PAK6: variants seen among roughly 807,000 people sequenced by gnomAD.
PAK6 encodes serine/threonine-protein kinase PAK 6.
Under a neutral mutation model 60.8 loss-of-function variants are expected in PAK6, and 33 were observed. The observed-to-expected ratio is 0.54, with a 90% confidence interval of 0.41 to 0.73. The LOEUF is 0.73. PAK6 is among the 30% of genes least tolerant of loss of function. The pLI is 0.00. For synonymous variants in PAK6, 404 were observed against 378.5 expected, an observed-to-expected ratio of 1.07 and a Z score of -0.78; for missense variants, 845 against 904.1, an observed-to-expected ratio of 0.93 and a Z score of 0.84.
intron 2 of PAK6, chr15:40,252,583 C>T (rs372019677): frequency 1.5e-5 from 20 of 1,357,002 alleles, no homozygotes; most frequent in South Asian, 3.4e-5. Context: ...GCTGCACCAA[C>T]GTGTAAGCGC....
Position 40,270,202 on chromosome 15 carries a change from C to T in PAK6, c.859-2022C>T, listed in dbSNP as rs553858058. On this transcript the variant is annotated intron_variant, in intron 5 of 10. Coordinates refer to ENST00000560346, the Ensembl canonical transcript of PAK6. ...TTCCCTCCCTGTCCCTGCCTGGTGA[C>T]GTCTCATGGAACCTCTGTTCCCAGG... 3.8e-4 allele frequency among the ~76,000 whole-genome samples: 58 copies of T among 152,280 alleles called. No individual in the cohort carries two copies. The South Asian group carries it at 7.3e-3, about 19-fold the overall frequency.
At chr15:40,248,112 G>A (rs749326206) in intron 2 of PAK6, among the ~76,000 whole-genome samples, 2 of 152,184 alleles carry the variant, frequency 1.3e-5, no homozygotes, top group African/African-American at 2.4e-5. Context: ...TAAGTCTTGC[G>A]AGGCAAGAGG....
At chr15:40,244,898 T>C (rs934860152) in intron 2 of PAK6, 3 of 152,220 alleles carry the variant, frequency 2.0e-5, no homozygotes, top group African/African-American at 7.2e-5. Context: ...ACACCTCTGC[T>C]GGCCAGCATT....
exon 5 of PAK6, chr15:40,266,459 A>AAGC: frequency 6.2e-7 from 1 of 1,611,154 alleles, no homozygotes; most frequent in Non-Finnish European, 8.5e-7. Context: ...CAGCCCCTCC[A>AAGC]AGCAGCAGCA....
chr15:40,274,643 C>G (rs1254474221), intron 10 of PAK6, among the ~76,000 whole-genome samples: 1 of 152,234 alleles, frequency 6.6e-6, no homozygotes, highest in Non-Finnish European at 1.5e-5. Flanking sequence ...GAGCACAAAC[C>G]CTTCTAACCC....
At position 40,249,718 on chromosome 15, in the gene PAK6, C is replaced by T. The variant is rs528286947; in HGVS notation, c.-117-3460C>T. Among the ~76,000 whole-genome samples the T allele has an allele frequency of 2.6e-5, 4 of 152,348 alleles. No homozygotes were observed. In the South Asian group the frequency reaches 8.3e-4, roughly 32 times the overall value. ...GCTGATCCCTATCTTTCCTCTTTGG[C>T]CCTAGCCCGAGCACTCAGCCCTGGC... is the stretch of plus-strand genomic sequence containing the variant. On this transcript the variant is annotated intron_variant, in intron 2 of 10. Transcript: ENST00000560346.
At chr15:40,261,442 C>T (rs1371591305) in intron 3 of PAK6, among the ~76,000 whole-genome samples, 1 of 151,926 alleles carries the variant, frequency 6.6e-6, no homozygotes, top group Non-Finnish European at 1.5e-5. Flanking sequence ...TAGGCTAAGG[C>T]AGGAGAATCA....
At chr15:40,263,036 C>T (rs950150510) in intron 3 of PAK6, among the ~76,000 whole-genome samples, 2 of 152,180 alleles carry the variant, frequency 1.3e-5, no homozygotes, top group Non-Finnish European at 2.9e-5. Context: ...GCATGGCTGA[C>T]ATTGAGATGT....
At chr15:40,266,780 C>T in intron 5 of PAK6, 1 of 370,702 alleles carries the variant, frequency 2.7e-6, no homozygotes, top group Non-Finnish European at 4.8e-6. Flanking sequence ...TTGCCTAGTC[C>T]AGGGGCAGCA....
At chr15:40,255,696 C>A (rs1214295472) in intron 3 of PAK6, among the ~76,000 whole-genome samples, 1 of 152,214 alleles carries the variant, frequency 6.6e-6, no homozygotes, top group African/African-American at 2.4e-5. Flanking sequence ...ACTCGGACCC[C>A]AGTAGAGGCT....
exon 4 of PAK6, chr15:40,264,914 C>T (rs2039079766): frequency 1.2e-6 from 2 of 1,613,908 alleles, no homozygotes; most frequent in South Asian, 1.1e-5. Context: ...GGCAGAACAT[C>T]CTGGACACAC....
intron 2 of PAK6, 49 bp downstream of exon 2, chr15:40,240,730 G>A (rs552571719): frequency 2.8e-5 from 12 of 430,980 alleles, no homozygotes; most frequent in East Asian, 7.1e-5. Context: ...GGCTAGGGAC[G>A]GGGGTGCCAA....
At chr15:40,267,171 C>T (rs2039164914) in intron 5 of PAK6, among the ~76,000 whole-genome samples, 2 of 151,978 alleles carry the variant, frequency 1.3e-5, no homozygotes, top group South Asian at 4.2e-4. Context: ...AAAGGCAGTC[C>T]TAAGAAACGG....
intron 10 of PAK6, 115 bp from the exon 11 acceptor site, chr15:40,275,812 A>C: frequency 1.0e-6 from 1 of 966,934 alleles, no homozygotes; most frequent in Non-Finnish European, 1.6e-6. Flanking sequence ...ACAAGGGAAC[A>C]GGAAGTTAAA....
At chr15:40,264,603 G>A in intron 3 of PAK6, 178 bp from the exon 4 acceptor site, 1 of 640,448 alleles carries the variant, frequency 1.6e-6, no homozygotes, top group East Asian at 2.7e-5. Flanking sequence ...TTCTGGGACT[G>A]TTCTGCTGGG....
At chr15:40,266,573 G>A in intron 5 of PAK6, 78 bp downstream of exon 5, 3 of 1,396,404 alleles carry the variant, frequency 2.1e-6, no homozygotes, top group South Asian at 2.9e-5. Flanking sequence ...CCTTCCCCTT[G>A]GAGGACTGGC....
At chr15:40,272,181 T>C (rs1267956733) in intron 5 of PAK6, 43 bp from the exon 6 acceptor site, 17 of 1,563,596 alleles carry the variant, frequency 1.1e-5, no homozygotes, top group Non-Finnish European at 1.4e-5. Context: ...TTATTCCAAA[T>C]GCTCCCACAG....
intron 2 of PAK6, among the ~76,000 whole-genome samples, chr15:40,248,778 T>C (rs1020965093): frequency 1.3e-5 from 2 of 152,174 alleles, no homozygotes; most frequent in Non-Finnish European, 1.5e-5. Flanking sequence ...GCCTGGGCAG[T>C]GATTTTTTTA....
chr15:40,250,244 TG>T (rs2038626096), intron 2 of PAK6, among the ~76,000 whole-genome samples: 1 of 152,206 alleles, frequency 6.6e-6, no homozygotes, highest in Admixed American at 6.5e-5. Flanking sequence ...GGACCTACCC[TG>T]AATGGATGAT....
Sources: allele counts gnomAD v4.1 joint callset (sites outside exome capture counted in the v4.1 genomes callset), GRCh38; gene constraint gnomAD v4.1.1; transcripts MANE v1.5; gene names NCBI Gene and HGNC (gene_info 2026-07-23, HGNC 2026-07-21).